Variants in SPAG1 observed in about 807,000 individuals in gnomAD.
The protein encoded by SPAG1 is sperm-associated antigen 1.
In SPAG1, 69 loss-of-function variants were observed where a neutral mutation model predicts 100.5. The ratio of observed to expected loss-of-function variants is 0.69; its 90% CI spans 0.57 to 0.84. The LOEUF (loss-of-function observed/expected upper bound fraction) is 0.84, where lower values mean the gene tolerates loss of function less well. Among genes scored for constraint, SPAG1 ranks in the 40% least tolerant of loss-of-function variants. The pLI, the probability that SPAG1 is intolerant of heterozygous loss-of-function variation, is 0.00. For synonymous variants in SPAG1, 336 were observed against 411.6 expected, an observed-to-expected ratio of 0.82 and a Z score of 2.22; for missense variants, 955 against 1,133.1, an observed-to-expected ratio of 0.84 and a Z score of 2.26.
intron 16 of SPAG1, among the ~76,000 whole-genome samples, chr8:100,238,755 G>A (rs1819121081): frequency 8.3e-6 from 1 of 119,800 alleles, no homozygotes; most frequent in Non-Finnish European, 1.9e-5. Context: ...TCCTTTATAG[G>A]TTTAAGCCAC....
At chr8:100,223,436 G>T (rs928108785) in intron 13 of SPAG1, among the ~76,000 whole-genome samples, 6 of 151,880 alleles carry the variant, frequency 4.0e-5, no homozygotes, top group Admixed American at 3.3e-4. Context: ...ATATTTTGTT[G>T]ATGAGGAGGC....
At chr8:100,237,154 C>T (rs1451892384) in intron 16 of SPAG1, among the ~76,000 whole-genome samples, 2 of 152,140 alleles carry the variant, frequency 1.3e-5, no homozygotes. Flanking sequence ...GATCTTGGCT[C>T]ACTGCAACCT....
intron 3 of SPAG1, among the ~76,000 whole-genome samples, chr8:100,166,417 C>A (rs1815560208): frequency 1.3e-5 from 2 of 152,018 alleles, no homozygotes; most frequent in Admixed American, 1.3e-4. Context: ...TGCCACCATG[C>A]CTGGCTAATT....
rs189044582 is a variant in SPAG1, at chr8:100,187,998, G to A, written c.832+748G>A. ...CTCCCAAGTAGCTGGGACTATAGGC[G>A]TGCACCACCACGCCTGACTAATTGT... is the stretch of plus-strand genomic sequence containing the variant. On this transcript the variant is annotated intron_variant, in intron 8 of 18. Coordinates refer to ENST00000388798, the MANE Select transcript of SPAG1 (RefSeq NM_003114.5). Among the ~76,000 whole-genome samples, 38 of 151,754 alleles carry A rather than the reference G, an allele frequency of 2.5e-4. No homozygotes were observed. In the East Asian group the frequency reaches 6.8e-3, roughly 27 times the overall value.
intron 12 of SPAG1, among the ~76,000 whole-genome samples, chr8:100,219,890 G>A (rs2132385204): frequency 6.6e-6 from 1 of 152,302 alleles, no homozygotes; most frequent in African/African-American, 2.4e-5. Flanking sequence ...AACTTTTATG[G>A]TTCTGTACTT....
At chr8:100,213,473 G>T (rs1007676224) in intron 11 of SPAG1, 45 bp downstream of exon 11, 3 of 1,345,748 alleles carry the variant, frequency 2.2e-6, no homozygotes, top group East Asian at 6.1e-5. Context: ...CTCGCGCTGC[G>T]GTTCACCCGA....
chr8:100,234,241 A>G (rs1007763432), intron 16 of SPAG1, among the ~76,000 whole-genome samples: 68 of 152,248 alleles, frequency 4.5e-4, no homozygotes, highest in African/African-American at 1.6e-3. Flanking sequence ...AAGGTGTAAT[A>G]CAATGAAGTT....
chr8:100,220,379 A>G lies in SPAG1; in HGVS notation c.1636A>G (p.Thr546Ala). The G allele has an allele frequency of 1.9e-6, 3 of 1,614,096 alleles. No individual in the cohort carries two copies. In the African/African-American group the frequency reaches 4.0e-5, roughly 22 times the overall value. The change falls in exon 13 of 19, where the codon ACA becomes GCA. Residue 546 changes from threonine (T) to alanine (A), a missense_variant. Physicochemically the swap from Thr to Ala is moderately conservative, Grantham distance 58. Coordinates refer to ENST00000388798, the MANE Select transcript of SPAG1 (RefSeq NM_003114.5). The part of the protein sequence containing the change: ...QYGKAYVDYK[T>A]VLQIDCGLQL... ...TGGGAAAGCTTATGTGGATTATAAA[A>G]CAGTGTTGCAGATAGACTGTGGACT...
At chr8:100,177,422 C>CT (rs904572682) in intron 3 of SPAG1, among the ~76,000 whole-genome samples, 34 of 145,846 alleles carry the variant, frequency 2.3e-4, no homozygotes, top group East Asian at 6.0e-4. Flanking sequence ...ATCTTCATGT[C>CT]TTTTTTTTTT....
At chr8:100,179,156 G>A (rs746158279) in intron 4 of SPAG1, among the ~76,000 whole-genome samples, 1 of 151,856 alleles carries the variant, frequency 6.6e-6, no homozygotes, top group Non-Finnish European at 1.5e-5. Flanking sequence ...GCCAAGGAGG[G>A]TGGATCACTT....
chr8:100,213,071 C>A lies in SPAG1; in HGVS notation c.1097-19C>A. On this transcript the variant is annotated intron_variant, in intron 10 of 18. Coordinates refer to ENST00000388798, the MANE Select transcript of SPAG1 (RefSeq NM_003114.5). ...CCCGGTGATGCAAACCCTCACTTCCCGCATCCACTTCCTCACAGAGCCCGC... is the reference window on the plus strand; with the variant it reads ...CCCGGTGATGCAAACCCTCACTTCCAGCATCCACTTCCTCACAGAGCCCGC... 6.9e-7 allele frequency: 1 copy of A among 1,446,296 alleles called. No individual in the cohort carries two copies. Among genetic ancestry groups the A allele is most frequent in the Non-Finnish European group, 9.0e-7 (1 of 1,106,234 alleles). The allele number at this position is 1,446,296 out of a possible 1,614,324, so 89.6% of individuals were successfully genotyped here. A position where few individuals can be genotyped will look rare whatever the true frequency, so the allele number is the denominator to read the frequency against.
Position 100,220,326 on chromosome 8 carries a change from C to T in SPAG1, c.1583C>T (p.Ala528Val), listed in dbSNP as rs372376817. Residue 528 changes from alanine (A) to valine (V), a missense_variant, in exon 13 of 19, where the codon GCG becomes GTG. Transcript: ENST00000388798. ...PFSMKPLLRRAMAYETLEQYG... is the reference protein window; with the variant it reads ...PFSMKPLLRRVMAYETLEQYG... ...TCTATGAAACCTCTTCTGAGGCGGG[C>T]GATGGCCTATGAAACTCTAGAGCAG... The T allele has an allele frequency of 6.8e-6, 11 of 1,613,812 alleles. No individual in the cohort carries two copies. In the African/African-American group the frequency reaches 9.3e-5, roughly 14 times the overall value.
intron 9 of SPAG1, 31 bp from the exon 10 acceptor site, chr8:100,194,081 T>G: frequency 7.7e-7 from 1 of 1,294,400 alleles, no homozygotes; most frequent in South Asian, 1.6e-5. Flanking sequence ...TAGAGGAAAA[T>G]ATTTTCTTTA....
intron 2 of SPAG1, chr8:100,165,200 G>T (rs1194253922): frequency 1.0e-5 from 5 of 492,046 alleles, no homozygotes; most frequent in Non-Finnish European, 2.0e-5. Flanking sequence ...AAAGGTAATT[G>T]TATGTTCCAA....
At chr8:100,236,793 C>T (rs1819025827) in intron 16 of SPAG1, among the ~76,000 whole-genome samples, 1 of 152,134 alleles carries the variant, frequency 6.6e-6, no homozygotes, top group African/African-American at 2.4e-5. Flanking sequence ...TGAATAAAGA[C>T]ATGGTGCCTA....
At chr8:100,232,699 C>T (rs746627085) in intron 15 of SPAG1, among the ~76,000 whole-genome samples, 10 of 152,198 alleles carry the variant, frequency 6.6e-5, no homozygotes, top group African/African-American at 9.7e-5. Context: ...ATCTCATTCT[C>T]CAAGCTGTAG....
chr8:100,198,083 ACAGAGACGCAAT>A (rs1348483028), intron 10 of SPAG1, among the ~76,000 whole-genome samples: 1 of 152,188 alleles, frequency 6.6e-6, no homozygotes, highest in East Asian at 1.9e-4. Context: ...CTATCTCCTT[ACAGAGACGCAAT>A]CAGAGGAAAG....
chr8:100,165,491 G>C, intron 2 of SPAG1: 1 of 359,148 alleles, frequency 2.8e-6, no homozygotes, highest in Non-Finnish European at 5.3e-6. Flanking sequence ...GCGCCGGGAG[G>C]AACCCAGAAC....
chr8:100,201,123 C>T (rs1465033632), intron 10 of SPAG1, among the ~76,000 whole-genome samples: 1 of 151,276 alleles, frequency 6.6e-6, no homozygotes, highest in African/African-American at 2.4e-5. Flanking sequence ...TCCTTCCTTC[C>T]TTCCTTTTTT....
Sources: allele counts gnomAD v4.1 joint callset (sites outside exome capture counted in the v4.1 genomes callset), GRCh38; gene constraint gnomAD v4.1.1; transcripts MANE v1.5; gene names NCBI Gene and HGNC (gene_info 2026-07-23, HGNC 2026-07-21).